The following PLXNA2 variants were observed in gnomAD, a reference collection of about 807,000 sequenced individuals.
PLXNA2 encodes plexin-A2.
Under a neutral mutation model 193.5 loss-of-function variants are expected in PLXNA2, and 91 were observed. That is an observed-to-expected ratio of 0.47 (90% CI 0.40 to 0.56). PLXNA2 has a LOEUF of 0.56. Ranked by LOEUF, PLXNA2 falls within the 20% of genes least tolerant of loss-of-function variation. The probability of loss-of-function intolerance (pLI) is 0.00; values close to 1 mark genes in which losing one functional copy is unlikely to be tolerated. For missense variants in PLXNA2, 1,995 were observed against 2,503.2 expected, an observed-to-expected ratio of 0.80 and a Z score of 4.33; for synonymous variants, 997 against 1,027.3, an observed-to-expected ratio of 0.97 and a Z score of 0.56.
intron 3 of PLXNA2, among the ~76,000 whole-genome samples, chr1:208,198,236 C>T (rs1325511636): frequency 6.6e-6 from 1 of 152,210 alleles, no homozygotes; most frequent in Non-Finnish European, 1.5e-5. Context: ...ATGTCTCTTC[C>T]AATTTTGCCA....
rs547755379 is a variant in PLXNA2 at position 208,080,978 on chromosome 1, CAG to C, written c.2395+1432_2395+1433del. Among the ~76,000 whole-genome samples, 360 of 152,308 alleles carry C rather than the reference CAG, an allele frequency of 2.4e-3. 3 individuals are homozygous for C. The highest frequency in any genetic ancestry group is 7.1e-3 in the African/African-American group (295 of 41,552). On this transcript the variant is annotated intron_variant, in intron 11 of 31. Transcript: ENST00000367033. ...TCCACCCAGCCCAATGCGCAGCCGG[CAG>C]AGACACTCAGGCTAGTGGGTGGAGG...
intron 3 of PLXNA2, among the ~76,000 whole-genome samples, chr1:208,207,248 C>T (rs574794112): frequency 1.3e-5 from 2 of 152,336 alleles, no homozygotes; most frequent in South Asian, 4.1e-4. Flanking sequence ...TCAGGTGATC[C>T]ACCTGCCTCG....
chr1:208,044,757 C>T lies in PLXNA2; in HGVS notation c.3640-15G>A. On this transcript the variant is annotated splice_polypyrimidine_tract_variant and intron_variant, in intron 19 of 31. Coordinates refer to ENST00000367033, the MANE Select transcript of PLXNA2 (RefSeq NM_025179.4). The surrounding 1 kb of genome is among the most constrained non-coding windows in gnomAD (Gnocchi z 4.9). ...CCCACGTGAACCTGTGCATTGTACA[C>T]ATACAGACGCACATGGATGCACACA... 6.3e-7 allele frequency: 1 copy of T among 1,587,208 alleles called. No individual in the cohort carries two copies. Among genetic ancestry groups the T allele is most frequent in the Non-Finnish European group, 8.6e-7 (1 of 1,157,988 alleles).
intron 3 of PLXNA2, among the ~76,000 whole-genome samples, chr1:208,180,441 T>C (rs547199429): frequency 6.6e-6 from 1 of 152,138 alleles, no homozygotes; most frequent in African/African-American, 2.4e-5. Flanking sequence ...GCTGTGGCAG[T>C]GGCAGTGGCT....
chr1:208,122,828 G>T (rs148283978), intron 4 of PLXNA2, among the ~76,000 whole-genome samples: 1 of 152,246 alleles, frequency 6.6e-6, no homozygotes, highest in Non-Finnish European at 1.5e-5. Flanking sequence ...TTCCTCTTTG[G>T]GTGGTGGTTG....
rs771867140 is a variant in PLXNA2, at chr1:208,217,865, G to A, written c.58C>T (p.Leu20=). ...ALEVDSRSVV[L]LSVVWVLLAP... ...AGCAGCACCCAGACCACTGAGAGCA[G>A]GACCACAGAGCGGCTGTCCACCTCC... is the stretch of plus-strand genomic sequence containing the variant. The change falls in exon 2 of 32, where the codon CTG becomes TTG. Residue 20 remains leucine (L), a synonymous_variant. Coordinates refer to ENST00000367033, the MANE Select transcript of PLXNA2 (RefSeq NM_025179.4). The surrounding 1 kb of genome is among the most constrained non-coding windows in gnomAD (Gnocchi z 4.7). The A allele has an allele frequency of 1.2e-5, 20 of 1,613,396 alleles. No homozygotes were observed. Among genetic ancestry groups the A allele is most frequent in the Admixed American group, 5.0e-5 (3 of 60,006 alleles).
intron 13 of PLXNA2, among the ~76,000 whole-genome samples, chr1:208,056,206 C>T (rs1665428273): frequency 6.6e-6 from 1 of 152,220 alleles, no homozygotes; most frequent in Non-Finnish European, 1.5e-5. Flanking sequence ...CGATGCCCAC[C>T]ATGCTCAAGG....
At chr1:208,232,981 G>A (rs750985779) in intron 1 of PLXNA2, among the ~76,000 whole-genome samples, 1 of 152,166 alleles carries the variant, frequency 6.6e-6, no homozygotes, top group East Asian at 1.9e-4. Flanking sequence ...TATCAGCTAC[G>A]ATACCTTTCT....
intron 12 of PLXNA2, among the ~76,000 whole-genome samples, chr1:208,068,927 T>C (rs1665885151): frequency 1.3e-5 from 2 of 152,240 alleles, no homozygotes; most frequent in African/African-American, 4.8e-5. Flanking sequence ...AGCACTGATA[T>C]CTATTGACTG....
chr1:208,150,384 TA>T (rs1257812354), intron 3 of PLXNA2, among the ~76,000 whole-genome samples: 1 of 152,112 alleles, frequency 6.6e-6, no homozygotes, highest in Non-Finnish European at 1.5e-5. Flanking sequence ...TGCATGGGGC[TA>T]GAGAGTCCTG....
chr1:208,051,253 C>T lies in PLXNA2; in HGVS notation c.3161+3G>A, dbSNP rs1300899470. 1.2e-6 allele frequency: 2 copies of T among 1,603,860 alleles called. No individual in the cohort carries two copies. The highest frequency in any genetic ancestry group is 2.2e-5 in the East Asian group (1 of 44,668). The stretch of plus-strand genomic sequence containing the variant: ...GGTGCATCCCTCCCACCTTCCACCT[C>T]ACCTGGCAATGCTCCACTCTGGCTC... On this transcript the variant is annotated splice_donor_region_variant and intron_variant, in intron 16 of 31. Coordinates refer to ENST00000367033, the MANE Select transcript of PLXNA2 (RefSeq NM_025179.4).
chr1:208,032,070 G>T (rs1429095881), intron 28 of PLXNA2: 2 of 985,226 alleles, frequency 2.0e-6, no homozygotes, highest in Non-Finnish European at 2.4e-6. Flanking sequence ...CTTCCCATGG[G>T]TGAATGAGGG....
intron 4 of PLXNA2, among the ~76,000 whole-genome samples, chr1:208,118,860 G>T (rs186439537): frequency 6.6e-6 from 1 of 152,036 alleles, no homozygotes; most frequent in Admixed American, 6.5e-5. Flanking sequence ...GAAAAAAAGC[G>T]GAATTTTAAA....
intron 1 of PLXNA2, among the ~76,000 whole-genome samples, chr1:208,232,478 G>A (rs995841974): frequency 2.0e-5 from 3 of 152,142 alleles, no homozygotes; most frequent in African/African-American, 7.2e-5. Context: ...CTTCTATTTC[G>A]ATGAAACAAG....
chr1:208,047,354 T>TCCCCTAACCCTGCACTGGG (rs55935780), intron 17 of PLXNA2, among the ~76,000 whole-genome samples: 1 of 152,138 alleles, frequency 6.6e-6, no homozygotes, highest in African/African-American at 2.4e-5. Context: ...TGACACAGAG[T>TCCCCTAACCCTGCACTGGG]TCATGATATC....
chr1:208,201,854 A>C (rs1480175351), intron 3 of PLXNA2, among the ~76,000 whole-genome samples: 1 of 151,782 alleles, frequency 6.6e-6, no homozygotes, highest in Admixed American at 6.6e-5. Flanking sequence ...TCCATGAATT[A>C]TTTCTTTATG....
At chr1:208,039,433 G>A (rs569671101) in intron 24 of PLXNA2, among the ~76,000 whole-genome samples, 188 bp downstream of exon 24, 49 of 150,266 alleles carry the variant, frequency 3.3e-4, no homozygotes, top group African/African-American at 1.2e-3. Flanking sequence ...CCGAGGCATA[G>A]AGTGCTTGGG....
intron 11 of PLXNA2, 38 bp from the exon 12 acceptor site, chr1:208,079,488 A>C: frequency 6.7e-7 from 1 of 1,492,772 alleles, no homozygotes; most frequent in Non-Finnish European, 9.1e-7. Context: ...GAAACCAGAA[A>C]GGGCTGCTCA....
intron 2 of PLXNA2, 25 bp from the exon 3 acceptor site, chr1:208,210,487 GGTGA>G (rs1400750269): frequency 1.3e-6 from 2 of 1,592,740 alleles, no homozygotes; most frequent in Non-Finnish European, 1.7e-6. Context: ...AAGGAATTGG[GGTGA>G]GTAACAGTGG....
Sources: allele counts gnomAD v4.1 joint callset (sites outside exome capture counted in the v4.1 genomes callset), GRCh38; gene constraint gnomAD v4.1.1; non-coding constraint Gnocchi (gnomAD v3.1); transcripts MANE v1.5; gene names NCBI Gene and HGNC (gene_info 2026-07-23, HGNC 2026-07-21).